Variants in LSAMP observed in about 807,000 individuals in gnomAD.
LSAMP encodes the protein limbic system-associated membrane protein.
A neutral mutation model predicts 38.6 loss-of-function variants in LSAMP; 7 were observed. The observed-to-expected ratio is 0.18, with a 90% CI of 0.10 to 0.34. The LOEUF (loss-of-function observed/expected upper bound fraction) is 0.34. LSAMP is among the 10% of genes least tolerant of loss of function. The pLI is 1.00. For missense variants in LSAMP, 313 were observed against 420.0 expected (o/e 0.75, Z 2.23); for synonymous variants, 154 against 166.8 (o/e 0.92, Z 0.59).
chr3:115,969,736 T>C (rs994406303), intron 3 of LSAMP, among the ~76,000 whole-genome samples: 4 of 152,206 alleles, frequency 2.6e-5, no homozygotes, highest in African/African-American at 4.8e-5. Flanking sequence ...CTAGATATTA[T>C]TAATCATAAG....
At chr3:116,353,374 A>G (rs1056983727) in intron 1 of LSAMP, among the ~76,000 whole-genome samples, 6 of 152,134 alleles carry the variant, frequency 3.9e-5, no homozygotes, top group Admixed American at 1.3e-4. Flanking sequence ...ATATAATTAT[A>G]GTACTTGATA....
chr3:116,379,621 C>A (rs2048533063), intron 1 of LSAMP, among the ~76,000 whole-genome samples: 1 of 151,904 alleles, frequency 6.6e-6, no homozygotes, highest in African/African-American at 2.4e-5. Flanking sequence ...ATAGAAATAA[C>A]AGCTGGGCCA....
chr3:116,421,795 A>G (rs752696411), intron 1 of LSAMP, among the ~76,000 whole-genome samples: 3 of 152,230 alleles, frequency 2.0e-5, no homozygotes, highest in Non-Finnish European at 4.4e-5. Context: ...GTCGACAAGT[A>G]TATGAAAAAC....
intron 3 of LSAMP, among the ~76,000 whole-genome samples, chr3:115,890,946 C>A (rs1489329491): frequency 6.6e-6 from 1 of 151,912 alleles, no homozygotes; most frequent in Admixed American, 6.6e-5. Context: ...AAAATACCGA[C>A]ATTTTCCATG....
At chr3:115,887,684 G>C (rs1262696327) in intron 3 of LSAMP, among the ~76,000 whole-genome samples, 26 of 151,828 alleles carry the variant, frequency 1.7e-4, no homozygotes, top group Admixed American at 1.7e-3. Flanking sequence ...AGGCCACCCT[G>C]TCATTTAATG....
At chr3:116,237,285 T>G (rs992788720) in intron 1 of LSAMP, among the ~76,000 whole-genome samples, 1 of 152,208 alleles carries the variant, frequency 6.6e-6, no homozygotes, top group Non-Finnish European at 1.5e-5. Context: ...TATTGTAATA[T>G]GTGCAACTCT....
chr3:116,438,129 T>G (rs1185113075), intron 1 of LSAMP, among the ~76,000 whole-genome samples: 5 of 150,876 alleles, frequency 3.3e-5, no homozygotes, highest in African/African-American at 1.2e-4. Context: ...CGTAAGATAC[T>G]TGTGACTTTA....
At chr3:115,846,418 A>C (rs1935161076) in intron 4 of LSAMP, among the ~76,000 whole-genome samples, 2 of 152,230 alleles carry the variant, frequency 1.3e-5, no homozygotes, top group African/African-American at 4.8e-5. Context: ...CATTCATTTA[A>C]TCTTACTAAT....
intron 1 of LSAMP, among the ~76,000 whole-genome samples, chr3:116,379,085 G>A (rs369344358): frequency 9.3e-5 from 14 of 151,262 alleles, no homozygotes; most frequent in Non-Finnish European, 1.8e-4. Context: ...GTGAGTCTAC[G>A]GGCATTCTGA....
intron 6 of LSAMP, chr3:115,816,490 A>T: frequency 2.0e-6 from 1 of 510,574 alleles, no homozygotes; most frequent in Non-Finnish European, 3.2e-6. Context: ...AAACAGTGCT[A>T]GATGTGTTAT....
chr3:116,206,886 T>G (rs981270656), intron 1 of LSAMP, among the ~76,000 whole-genome samples: 1 of 150,772 alleles, frequency 6.6e-6, no homozygotes, highest in African/African-American at 2.4e-5. Context: ...TTCTGTTGAT[T>G]TGGGGTGGAG....
chr3:115,888,194 C>T (rs1305782083), intron 3 of LSAMP, among the ~76,000 whole-genome samples: 1 of 151,854 alleles, frequency 6.6e-6, no homozygotes, highest in African/African-American at 2.4e-5. Context: ...AATCATTGTT[C>T]CATTTTCTTC....
chr3:116,349,268 A>G (rs775794810), intron 1 of LSAMP, among the ~76,000 whole-genome samples: 3 of 152,068 alleles, frequency 2.0e-5, no homozygotes, highest in Non-Finnish European at 4.4e-5. Flanking sequence ...AATGAAAACA[A>G]CTGGCTATCC....
chr3:116,330,551 C>T (rs900723802), intron 1 of LSAMP, among the ~76,000 whole-genome samples: 1 of 152,022 alleles, frequency 6.6e-6, no homozygotes, highest in Admixed American at 6.6e-5. Flanking sequence ...AGCATGCTCC[C>T]CCCCCCACAA....
intron 2 of LSAMP, among the ~76,000 whole-genome samples, chr3:116,069,243 T>G (rs1707539003): frequency 6.6e-6 from 1 of 152,220 alleles, no homozygotes; most frequent in African/African-American, 2.4e-5. Flanking sequence ...CCAGGCCCTT[T>G]CCACATGTCC....
At chr3:116,064,502 C>CAAAAA (rs1241685941) in intron 2 of LSAMP, among the ~76,000 whole-genome samples, 1 of 90,382 alleles carries the variant, frequency 1.1e-5, no homozygotes. Flanking sequence ...GACTCCGTCT[C>CAAAAA]AAAAAAAAAA....
chr3:115,986,478 CAT>C (rs1491312994), intron 3 of LSAMP, among the ~76,000 whole-genome samples: 1 of 152,036 alleles, frequency 6.6e-6, no homozygotes, highest in South Asian at 2.1e-4. Context: ...CTGGGAAAAA[CAT>C]ATGCTTTTTG....
At chr3:115,980,778 T>G (rs1939335005) in intron 3 of LSAMP, among the ~76,000 whole-genome samples, 1 of 152,210 alleles carries the variant, frequency 6.6e-6, no homozygotes, top group South Asian at 2.1e-4. Flanking sequence ...TCCCCTTTTA[T>G]CTCCTAATCT....
chr3:115,834,575 G>C (rs1934723746), intron 6 of LSAMP: 1 of 1,275,582 alleles, frequency 7.8e-7, no homozygotes, highest in Non-Finnish European at 1.0e-6. Flanking sequence ...GAATGGGGTG[G>C]GGGATTGTGG....
Sources: gnomAD v4.1 joint callset for allele counts (sites outside exome capture counted in the v4.1 genomes callset) on GRCh38, gnomAD v4.1.1 for gene constraint, MANE v1.5 for transcripts, NCBI Gene and HGNC (gene_info 2026-07-23, HGNC 2026-07-21) for gene names.